NALF1: variants seen among roughly 807,000 people sequenced by gnomAD.
The protein encoded by NALF1 is family with sequence similarity 155 member A.
NALF1 carries 3 observed loss-of-function variants against 48.4 expected under a neutral mutation model. That is an observed-to-expected ratio of 0.06 (90% CI 0.03 to 0.16). The LOEUF is 0.16. NALF1 is among the 10% of genes least tolerant of loss of function. The probability of loss-of-function intolerance (pLI) is 1.00; values close to 1 mark genes in which losing one functional copy is unlikely to be tolerated. For synonymous variants in NALF1, 262 were observed against 245.7 expected, an observed-to-expected ratio of 1.07 and a Z score of -0.62; for missense variants, 526 against 571.5, an observed-to-expected ratio of 0.92 and a Z score of 0.81.
intron 1 of NALF1, among the ~76,000 whole-genome samples, chr13:107,255,156 A>G (rs1488993786): frequency 6.6e-6 from 1 of 152,180 alleles, no homozygotes; most frequent in Admixed American, 6.5e-5. Flanking sequence ...TTAAAGCAGG[A>G]CAGATAGACA....
intron 1 of NALF1, among the ~76,000 whole-genome samples, chr13:107,827,927 C>G (rs1306734752): frequency 2.0e-5 from 3 of 152,108 alleles, no homozygotes; most frequent in Non-Finnish European, 4.4e-5. Context: ...AAAAACTCTT[C>G]TGGGAATATT....
intron 1 of NALF1, among the ~76,000 whole-genome samples, chr13:107,577,908 G>A (rs1207915193): frequency 1.3e-5 from 2 of 151,882 alleles, no homozygotes; most frequent in Admixed American, 6.6e-5. Flanking sequence ...CCTTTCATTG[G>A]TAGCCTCCAT....
intron 1 of NALF1, chr13:107,466,358 T>C (rs1594077710): frequency 6.6e-6 from 1 of 152,170 alleles, no homozygotes; most frequent in Non-Finnish European, 1.5e-5. Flanking sequence ...GATTTCAAAA[T>C]AGGAATTTTG....
At chr13:107,778,226 A>T (rs1231611780) in intron 1 of NALF1, among the ~76,000 whole-genome samples, 1 of 152,204 alleles carries the variant, frequency 6.6e-6, no homozygotes, top group African/African-American at 2.4e-5. Flanking sequence ...GAATGACAGG[A>T]TTCAGAACAA....
At chr13:107,527,579 A>G (rs1173774087) in intron 1 of NALF1, among the ~76,000 whole-genome samples, 1 of 152,102 alleles carries the variant, frequency 6.6e-6, no homozygotes, top group Non-Finnish European at 1.5e-5. Context: ...GTAAAGTCTG[A>G]TATGGTTTGG....
intron 1 of NALF1, among the ~76,000 whole-genome samples, chr13:107,655,326 T>C (rs1039607897): frequency 6.6e-6 from 1 of 152,106 alleles, no homozygotes; most frequent in Admixed American, 6.6e-5. Flanking sequence ...ACAAAATTAA[T>C]GTACACAAAT....
chr13:107,256,054 T>A (rs1880807315), intron 1 of NALF1, among the ~76,000 whole-genome samples: 1 of 152,234 alleles, frequency 6.6e-6, no homozygotes, highest in Non-Finnish European at 1.5e-5. Flanking sequence ...CAGAGCCTAC[T>A]CATCCCGGCT....
At chr13:107,669,022 C>G (rs1047259928) in intron 1 of NALF1, among the ~76,000 whole-genome samples, 2 of 152,036 alleles carry the variant, frequency 1.3e-5, no homozygotes, top group South Asian at 4.1e-4. Flanking sequence ...GCTATTAATA[C>G]TTATACACTT....
At chr13:107,730,148 G>C (rs190676818) in intron 1 of NALF1, among the ~76,000 whole-genome samples, 23 of 152,280 alleles carry the variant, frequency 1.5e-4, no homozygotes, top group Non-Finnish European at 4.4e-5. Context: ...TGCAAAATAG[G>C]CTTCTAAATA....
chr13:107,723,220 T>G (rs1309021780), intron 1 of NALF1, among the ~76,000 whole-genome samples: 1 of 152,158 alleles, frequency 6.6e-6, no homozygotes, highest in African/African-American at 2.4e-5. Flanking sequence ...CTTTTGTGGT[T>G]CCTGACTTTT....
intron 1 of NALF1, among the ~76,000 whole-genome samples, chr13:107,400,031 T>C (rs1160767669): frequency 2.0e-5 from 3 of 152,130 alleles, no homozygotes; most frequent in African/African-American, 7.2e-5. Flanking sequence ...AGAACTAAAA[T>C]TTTTCTAATT....
chr13:107,211,832 C>G (rs1234073507), intron 1 of NALF1, among the ~76,000 whole-genome samples: 1 of 152,162 alleles, frequency 6.6e-6, no homozygotes, highest in Non-Finnish European at 1.5e-5. Context: ...TATTTATCAA[C>G]TTTATACTCT....
chr13:107,656,635 T>G (rs895471244), intron 1 of NALF1, among the ~76,000 whole-genome samples: 3 of 152,162 alleles, frequency 2.0e-5, no homozygotes, highest in African/African-American at 7.2e-5. Flanking sequence ...ATCTACCTTT[T>G]GATCCAGCAA....
chr13:107,359,595 C>G (rs752714848), intron 1 of NALF1, among the ~76,000 whole-genome samples: 6 of 151,434 alleles, frequency 4.0e-5, no homozygotes, highest in Non-Finnish European at 5.9e-5. Flanking sequence ...TTCCTCCTTC[C>G]TTCATTTCCT....
intron 1 of NALF1, among the ~76,000 whole-genome samples, chr13:107,786,903 G>A (rs771497383): frequency 5.3e-5 from 8 of 152,286 alleles, no homozygotes; most frequent in Non-Finnish European, 8.8e-5. Context: ...AGCTGAGAGC[G>A]GAGCAAACAA....
Position 107,168,007 on chromosome 13 carries a change from A to G in NALF1, c.*2490T>C, listed in dbSNP as rs1878702313. 4 of 152,340 alleles carry G rather than the reference A, an allele frequency of 2.6e-5. No individual in the cohort carries two copies. In the South Asian group the frequency reaches 8.3e-4, roughly 32 times the overall value. 9.4% of individuals were successfully genotyped at this position (152,340 alleles called of 1,614,324 possible). On this transcript the variant is annotated 3_prime_UTR_variant, in exon 3 of 3. Transcript: ENST00000375915. ...TTTAGAAAGAATAATTTATTGTCAT[A>G]CCAATAAAAGTGAGTGGAATTTGCA...
chr13:107,481,544 TGA>T (rs1367558274), intron 1 of NALF1, among the ~76,000 whole-genome samples: 5 of 152,194 alleles, frequency 3.3e-5, no homozygotes, highest in Non-Finnish European at 5.9e-5. Flanking sequence ...TTTTTATAGT[TGA>T]GTTTGTTAGT....
intron 1 of NALF1, among the ~76,000 whole-genome samples, chr13:107,406,182 A>T (rs1313480741): frequency 6.6e-6 from 1 of 152,058 alleles, no homozygotes; most frequent in African/African-American, 2.4e-5. Context: ...TTATTTAGAA[A>T]AAATTTTATG....
In NALF1 at chr13:107,169,788, G is replaced by A. The variant is rs553943909; in HGVS notation, c.*709C>T. On this transcript the variant is annotated 3_prime_UTR_variant, in exon 3 of 3. Transcript: ENST00000375915. The stretch of plus-strand genomic sequence containing the variant: ...CTCTGTTTCTGGTTTGTGCAACAGG[G>A]GCTCAGAGGCCCACCAAGCGTGCAC... The A allele has an allele frequency of 6.6e-6, 1 of 152,598 alleles. No homozygotes were observed. Among genetic ancestry groups the A allele is most frequent in the Admixed American group, 6.5e-5 (1 of 15,276 alleles). The allele number at this position is 152,598 out of a possible 1,614,324, so 9.5% of individuals were successfully genotyped here.
Sources: allele counts gnomAD v4.1 joint callset (sites outside exome capture counted in the v4.1 genomes callset), GRCh38; gene constraint gnomAD v4.1.1; transcripts MANE v1.5; gene names NCBI Gene and HGNC (gene_info 2026-07-23, HGNC 2026-07-21).